Variants in CYP2J2 observed in about 807,000 individuals in gnomAD.
The protein encoded by CYP2J2 is cytochrome P450 2J2.
Under a neutral mutation model 48.8 loss-of-function variants are expected in CYP2J2, and 41 were observed. The ratio of observed to expected loss-of-function variants is 0.84; its 90% CI spans 0.66 to 1.09. The LOEUF (loss-of-function observed/expected upper bound fraction) is 1.09, where lower values mean the gene tolerates loss of function less well. Ranked by LOEUF, CYP2J2 falls within the 50% of genes least tolerant of loss-of-function variation. The pLI is 0.00. For missense variants in CYP2J2, 644 were observed against 617.3 expected (o/e 1.04, Z -0.46); for synonymous variants, 221 against 227.1 (o/e 0.97, Z 0.24).
the CYP2J2 span, among the ~76,000 whole-genome samples, chr1:59,932,887 G>A: frequency 8.6e-4 from 131 of 152,122 alleles, no homozygotes; most frequent in African/African-American, 2.9e-3. Context: ...TTTTAGTAGA[G>A]ACAGGGTTTC....
the CYP2J2 span, among the ~76,000 whole-genome samples, chr1:59,940,002 T>A: frequency 1.3e-5 from 2 of 152,032 alleles, no homozygotes; most frequent in Non-Finnish European, 2.9e-5. Context: ...CCAAGGAAGG[T>A]CCAGAAGTGC....
the CYP2J2 span, among the ~76,000 whole-genome samples, chr1:59,935,035 TATATATATATATATATAC>T: frequency 1.3e-3 from 117 of 93,428 alleles, no homozygotes; most frequent in African/African-American, 4.3e-3. Context: ...TATATATATA[TATATATATATATATATAC>T]ACAACAGAAT....
chr1:59,907,224 A>G lies in CYP2J2; in HGVS notation c.1003+562T>C, dbSNP rs11572284. ...GAGGTAGTACTTGAACAGATTCTTC[A>G]AGAAGAGCTAGGAGTTTACTATGTA... On this transcript the variant is annotated intron_variant, in intron 6 of 8. Coordinates refer to ENST00000371204, the MANE Select transcript of CYP2J2 (RefSeq NM_000775.4). 1.2e-3 allele frequency among the ~76,000 whole-genome samples: 189 copies of G among 152,316 alleles called. 2 individuals carry two copies. Among genetic ancestry groups the G allele is most frequent in the African/African-American group, 4.4e-3 (183 of 41,582 alleles).
chr1:59,921,608 G>C (rs1201672761), intron 1 of CYP2J2, among the ~76,000 whole-genome samples: 2 of 151,712 alleles, frequency 1.3e-5, no homozygotes, highest in Non-Finnish European at 2.9e-5. Context: ...GTCTCTTTAG[G>C]GTTAAGGCAT....
chr1:59,911,863 T>C, intron 3 of CYP2J2, 95 bp from the exon 4 acceptor site: 1 of 1,243,572 alleles, frequency 8.0e-7, no homozygotes, highest in Non-Finnish European at 1.1e-6. Flanking sequence ...ACATACCTAG[T>C]GCAGAACCAT....
chr1:59,953,425 A>T, the CYP2J2 span, among the ~76,000 whole-genome samples: 1 of 152,156 alleles, frequency 6.6e-6, no homozygotes, highest in African/African-American at 2.4e-5. Context: ...TGAAAAAATG[A>T]TTATATGATA....
In CYP2J2 at chr1:59,904,601, T is replaced by A. The variant is rs1644349018; in HGVS notation, c.1191+270A>T. On this transcript the variant is annotated intron_variant, in intron 7 of 8. Coordinates refer to ENST00000371204, the MANE Select transcript of CYP2J2 (RefSeq NM_000775.4). ...CGTGCCCACAGACTCACAATGCACA[T>A]TAGCATAGTAAAAACACTGAGAGGC... 8 of 384,764 alleles carry A rather than the reference T, an allele frequency of 2.1e-5. No individual in the cohort carries two copies. The South Asian group carries it at 2.5e-4, about 12-fold the overall frequency. 23.8% of individuals were successfully genotyped at this position (384,764 alleles called of 1,614,324 possible).
chr1:59,912,632 T>G, intron 2 of CYP2J2: 1 of 231,418 alleles, frequency 4.3e-6, no homozygotes, highest in South Asian at 9.7e-5. Flanking sequence ...AAGGATAAAA[T>G]GCATTTTACA....
intron 4 of CYP2J2, among the ~76,000 whole-genome samples, chr1:59,910,577 T>C (rs1644404348): frequency 6.6e-6 from 1 of 152,178 alleles, no homozygotes. Context: ...GATAATGGCA[T>C]ACTGTGTAAT....
the CYP2J2 span, among the ~76,000 whole-genome samples, chr1:59,937,428 G>GAA: frequency 2.1e-5 from 3 of 141,960 alleles, no homozygotes; most frequent in Non-Finnish European, 3.1e-5. Flanking sequence ...ATTACTAAAA[G>GAA]AAAAAAAAAA....
At chr1:59,901,719 T>TG in intron 7 of CYP2J2, among the ~76,000 whole-genome samples, 1 of 152,150 alleles carries the variant, frequency 6.6e-6, no homozygotes, top group Admixed American at 6.5e-5. Context: ...TCAGTGAGAC[T>TG]GGTCAATTTT....
At chr1:59,940,093 A>C in the CYP2J2 span, among the ~76,000 whole-genome samples, 2 of 152,138 alleles carry the variant, frequency 1.3e-5, no homozygotes, top group African/African-American at 2.4e-5. Flanking sequence ...GCTGGAACTT[A>C]AGGTGCCAAA....
chr1:59,907,708 T>C, intron 6 of CYP2J2, 78 bp downstream of exon 6: 1 of 1,511,564 alleles, frequency 6.6e-7, no homozygotes, highest in Admixed American at 1.8e-5. Context: ...AATGCTATCT[T>C]CTGGCCCCGA....
upstream of CYP2J2, chr1:59,926,779 A>AAGCAGGCGGCGGTCCC (rs772741856): frequency 2.5e-6 from 4 of 1,572,892 alleles, no homozygotes; most frequent in Non-Finnish European, 3.5e-6. Context: ...TCTGCGGTCC[A>AAGCAGGCGGCGGTCCC]AGCAGGCGGC....
At chr1:59,942,051 G>A in the CYP2J2 span, among the ~76,000 whole-genome samples, 16 of 152,154 alleles carry the variant, frequency 1.1e-4, no homozygotes, top group African/African-American at 3.6e-4. Flanking sequence ...CGTGATAAGT[G>A]CCTTATACAG....
chr1:59,942,371 A>T, the CYP2J2 span, among the ~76,000 whole-genome samples: 1 of 152,116 alleles, frequency 6.6e-6, no homozygotes, highest in Non-Finnish European at 1.5e-5. Context: ...TAGATAGTGT[A>T]AAGATTCGCC....
intron 8 of CYP2J2, among the ~76,000 whole-genome samples, chr1:59,897,494 G>A (rs1466588337): frequency 6.6e-6 from 1 of 152,242 alleles, no homozygotes; most frequent in Non-Finnish European, 1.5e-5. Flanking sequence ...ACTGTTAGGT[G>A]TCAAAGCTTT....
chr1:59,949,884 G>A, the CYP2J2 span, among the ~76,000 whole-genome samples: 1 of 151,660 alleles, frequency 6.6e-6, no homozygotes, highest in Non-Finnish European at 1.5e-5. Flanking sequence ...TTCTGCTATT[G>A]TTTGCCTTAC....
chr1:59,893,574 A>C lies in CYP2J2; in HGVS notation c.*77T>G. 2.6e-6 allele frequency: 3 copies of C among 1,141,166 alleles called. No homozygotes were observed. The highest frequency in any genetic ancestry group is 3.7e-6 in the Non-Finnish European group (3 of 812,754). The allele number at this position is 1,141,166 out of a possible 1,614,324, so 70.7% of individuals were successfully genotyped here. On this transcript the variant is annotated 3_prime_UTR_variant, in exon 9 of 9. Coordinates refer to ENST00000371204, the MANE Select transcript of CYP2J2 (RefSeq NM_000775.4). ...AGTCACTTTCATTTTGTCCCAACAC[A>C]TCTGAGCAGACACCAGTGGTTTCAG...
Sources: allele counts gnomAD v4.1 joint callset (sites outside exome capture counted in the v4.1 genomes callset), GRCh38; gene constraint gnomAD v4.1.1; transcripts MANE v1.5; gene names NCBI Gene and HGNC (gene_info 2026-07-23, HGNC 2026-07-21).